MRC1: variants seen among roughly 807,000 people sequenced by gnomAD.
The protein encoded by MRC1 is mannose receptor C-type 1, also known as macrophage mannose receptor 1.
Under a neutral mutation model 102.9 loss-of-function variants are expected in MRC1, and 62 were observed. The ratio of observed to expected loss-of-function variants is 0.60; its 90% CI spans 0.49 to 0.74. The LOEUF (loss-of-function observed/expected upper bound fraction) is 0.74. MRC1 is among the 30% of genes least tolerant of loss of function. The pLI is 0.00. For missense variants in MRC1, 1,237 were observed against 862.8 expected (o/e 1.43, Z -5.43); for synonymous variants, 457 against 298.4 (o/e 1.53, Z -5.48).
chr10:17,906,803 C>T (rs1323643301), intron 26 of MRC1, 83 bp from the exon 27 acceptor site: 32 of 777,640 alleles, frequency 4.1e-5, no homozygotes, highest in South Asian at 3.9e-4. Context: ...ATTTTTGTTG[C>T]TCTCAATAGC....
intron 4 of MRC1, among the ~76,000 whole-genome samples, chr10:17,835,361 T>C (rs1838647054): frequency 1.3e-5 from 2 of 152,336 alleles, no homozygotes; most frequent in Non-Finnish European, 2.9e-5. Context: ...AGATATCTTG[T>C]ACCCATGTGC....
intron 23 of MRC1, among the ~76,000 whole-genome samples, chr10:17,895,579 G>A (rs889571381): frequency 6.6e-6 from 1 of 152,064 alleles, no homozygotes; most frequent in Non-Finnish European, 1.5e-5. Context: ...GTGGATATAT[G>A]ATCTGAGTTT....
At chr10:17,883,123 C>T (rs1481486071) in intron 21 of MRC1, among the ~76,000 whole-genome samples, 2 of 152,138 alleles carry the variant, frequency 1.3e-5, no homozygotes, top group Non-Finnish European at 2.9e-5. Context: ...AAACAAATAT[C>T]TACCCATGCT....
At chr10:17,892,808 G>A (rs1035980968) in intron 22 of MRC1, among the ~76,000 whole-genome samples, 2 of 151,904 alleles carry the variant, frequency 1.3e-5, no homozygotes, top group South Asian at 4.2e-4. Context: ...TCAAGAGATC[G>A]AGACCATCCT....
intron 3 of MRC1, among the ~76,000 whole-genome samples, chr10:17,828,926 A>T (rs1194445747): frequency 6.6e-6 from 1 of 151,416 alleles, no homozygotes; most frequent in African/African-American, 2.5e-5. Context: ...CTGAGGAAAA[A>T]GGAAAAGGAA....
chr10:17,902,764 T>G (rs570153704), intron 26 of MRC1, among the ~76,000 whole-genome samples: 42 of 152,310 alleles, frequency 2.8e-4, no homozygotes, highest in Non-Finnish European at 5.3e-4. Flanking sequence ...TCAACCTGAC[T>G]TTTGACTTTA....
intron 18 of MRC1, among the ~76,000 whole-genome samples, chr10:17,879,220 T>C (rs1439615056): frequency 2.6e-5 from 4 of 152,232 alleles, no homozygotes; most frequent in Non-Finnish European, 5.9e-5. Flanking sequence ...AGCCTGGACA[T>C]GGCATCAGGG....
Position 17,830,473 on chromosome 10 carries a change from A to G in MRC1, c.637+2758A>G, listed in dbSNP as rs1015122251. ...ATCAGCCTTAAAAGTGGCAGGTTTT[A>G]TACAGGAGGATGAGGAACCAGTTAT... is the stretch of plus-strand genomic sequence containing the variant. On this transcript the variant is annotated intron_variant, in intron 3 of 29. Transcript: ENST00000569591. 4.0e-5 allele frequency among the ~76,000 whole-genome samples: 6 copies of G among 151,450 alleles called. 1 individual carries two copies. Among genetic ancestry groups the G allele is most frequent in the Non-Finnish European group, 5.9e-5 (4 of 68,026 alleles).
chr10:17,849,892 G>C (rs1244303248), intron 7 of MRC1, 128 bp downstream of exon 7: 1 of 594,734 alleles, frequency 1.7e-6, no homozygotes, highest in Non-Finnish European at 3.1e-6. Flanking sequence ...AACGAACAAC[G>C]TATGAATTTA....
intron 24 of MRC1, among the ~76,000 whole-genome samples, chr10:17,900,071 C>A (rs993173984): frequency 7.1e-6 from 1 of 140,866 alleles, no homozygotes; most frequent in Admixed American, 7.6e-5. Flanking sequence ...GCACTCAAGC[C>A]TGGGGGACAA....
rs948655015 is a variant in MRC1, at chr10:17,910,574, G to A, written c.*109G>A. 2.1e-5 allele frequency: 16 copies of A among 747,830 alleles called. 1 individual carries two copies. The African/African-American group carries it at 2.4e-4, about 11-fold the overall frequency. 46.3% of individuals were successfully genotyped at this position (747,830 alleles called of 1,614,324 possible). ...TTTAAAATGAGTACTGAATTGTACTGGTCTGTCCTTTTTTCCTTTGCCTAA... is the reference window on the plus strand; with the variant it reads ...TTTAAAATGAGTACTGAATTGTACTAGTCTGTCCTTTTTTCCTTTGCCTAA... On this transcript the variant is annotated 3_prime_UTR_variant, in exon 30 of 30. Transcript: ENST00000569591.
chr10:17,849,627 G>C lies in MRC1; in HGVS notation c.1112G>C (p.Gly371Ala). The C allele has an allele frequency of 1.3e-6, 1 of 780,900 alleles. No individual in the cohort carries two copies. The highest frequency in any genetic ancestry group is 1.3e-5 in the South Asian group (1 of 74,610). The allele number at this position is 780,900 out of a possible 1,614,324, so 48.4% of individuals were successfully genotyped here. Reference sequence around the variant, plus strand: ...CCTAGTCAGTGGTGGCCGTATGCCGGTCACTGTTACAAGATTCACAGAGAT... The same window carrying C: ...CCTAGTCAGTGGTGGCCGTATGCCGCTCACTGTTACAAGATTCACAGAGAT... ...HCPSQWWPYA[G>A]HCYKIHRDEK... The change falls in exon 7 of 30, where the codon GGT (glycine) becomes GCT (alanine). Residue 371 changes from glycine (G) to alanine (A), a missense_variant. Gly to Ala is a moderately conservative substitution (Grantham distance 60). Coordinates refer to ENST00000569591, the MANE Select transcript of MRC1 (RefSeq NM_002438.4).
At chr10:17,909,129 TA>T (rs1157836608) in intron 28 of MRC1, among the ~76,000 whole-genome samples, 176 bp from the exon 29 acceptor site, 1 of 152,170 alleles carries the variant, frequency 6.6e-6, no homozygotes, top group African/African-American at 2.4e-5. Flanking sequence ...GATATATAGA[TA>T]AAGGTACAGA....
At chr10:17,886,692 A>G (rs975418183) in intron 22 of MRC1, among the ~76,000 whole-genome samples, 21,933 of 152,074 alleles carry the variant, frequency 0.14, 2,126 homozygotes, top group Non-Finnish European at 0.22. Context: ...ATGAGCCACC[A>G]CGCCCATTCA....
chr10:17,847,926 C>CTTT (rs5783563), intron 6 of MRC1, among the ~76,000 whole-genome samples: 9,000 of 147,366 alleles, frequency 0.061, 379 homozygotes, highest in East Asian at 0.18. Flanking sequence ...TCTTTTTCTT[C>CTTT]TTTTTTTTTT....
intron 7 of MRC1, among the ~76,000 whole-genome samples, chr10:17,851,577 A>C (rs1213716125): frequency 6.6e-6 from 1 of 152,190 alleles, no homozygotes; most frequent in Non-Finnish European, 1.5e-5. Flanking sequence ...TGTGCTTAGG[A>C]ATTGAAGAAG....
Position 17,811,732 on chromosome 10 carries a change from G to A in MRC1, c.61+2206G>A, listed in dbSNP as rs577906359. Reference sequence around the variant, plus strand: ...CTTTGGGCTTGAGCCACTATGCCAGGCTAATTTTTAATTTTTTTTATTTTT... The same window carrying A: ...CTTTGGGCTTGAGCCACTATGCCAGACTAATTTTTAATTTTTTTTATTTTT... On this transcript the variant is annotated intron_variant, in intron 1 of 29. Transcript: ENST00000569591. Among the ~76,000 whole-genome samples the A allele has an allele frequency of 1.8e-4, 28 of 152,078 alleles. No individual in the cohort carries two copies. In the East Asian group the frequency reaches 4.9e-3, roughly 26 times the overall value.
chr10:17,898,777 A>G (rs1304807094), intron 24 of MRC1, among the ~76,000 whole-genome samples: 1 of 152,210 alleles, frequency 6.6e-6, no homozygotes, highest in Admixed American at 6.5e-5. Context: ...AGGTTGGCAA[A>G]GACTAGGGAA....
In MRC1 at chr10:17,852,990, G is replaced by A. The variant is rs1838939411; in HGVS notation, c.1273G>A (p.Gly425Ser). 3.8e-6 allele frequency: 3 copies of A among 780,726 alleles called. No individual in the cohort carries two copies. Among genetic ancestry groups the A allele is most frequent in the Middle Eastern group, 2.3e-4 (1 of 4,436 alleles). 48.4% of individuals were successfully genotyped at this position (780,726 alleles called of 1,614,324 possible). The change falls in exon 8 of 30, where the codon GGC becomes AGC. Residue 425 changes from glycine to serine, a missense_variant. By Grantham distance (56) the Gly-to-Ser change is moderately conservative (BLOSUM62 0). Transcript: ENST00000569591. ...GYEPNDELWI[G>S]LNDIKIQMYF... ...AGAGCCAAATGACGAATTGTGGATC[G>A]GCTTAAATGACATTAAGATTCAAAT...
Sources: allele counts gnomAD v4.1 joint callset (sites outside exome capture counted in the v4.1 genomes callset), GRCh38; gene constraint gnomAD v4.1.1; transcripts MANE v1.5; gene names NCBI Gene and HGNC (gene_info 2026-07-23, HGNC 2026-07-21).